C8orf34: variants seen among roughly 807,000 people sequenced by gnomAD.
C8orf34 encodes uncharacterized protein C8orf34.
Under a neutral mutation model 68.3 loss-of-function variants are expected in C8orf34, and 65 were observed. That is an observed-to-expected ratio of 0.95 (90% confidence interval 0.78 to 1.17). C8orf34 has a LOEUF of 1.17. Ranked by LOEUF, C8orf34 falls within the 50% of genes most tolerant of loss-of-function variation. The pLI is 0.00. For missense variants in C8orf34, 664 were observed against 655.4 expected (o/e 1.01, Z -0.14); for synonymous variants, 244 against 241.2 (o/e 1.01, Z -0.11).
chr8:68,536,846 C>T (rs1196146858), intron 7 of C8orf34, among the ~76,000 whole-genome samples: 4 of 151,930 alleles, frequency 2.6e-5, no homozygotes, highest in Admixed American at 6.6e-5. Flanking sequence ...AATTACATTG[C>T]GACAAGGTGA....
intron 1 of C8orf34, among the ~76,000 whole-genome samples, chr8:68,371,480 A>G (rs1487695151): frequency 6.6e-6 from 1 of 152,176 alleles, no homozygotes; most frequent in South Asian, 2.1e-4. Context: ...ATGACATCCT[A>G]TATGACAACT....
intron 1 of C8orf34, among the ~76,000 whole-genome samples, chr8:68,346,785 T>G (rs1473191588): frequency 2.0e-5 from 3 of 152,114 alleles, no homozygotes; most frequent in African/African-American, 7.2e-5. Context: ...AGCTTATTTC[T>G]TTTTTAGTTT....
chr8:68,651,193 T>A (rs1262390589), intron 8 of C8orf34, among the ~76,000 whole-genome samples: 1 of 152,124 alleles, frequency 6.6e-6, no homozygotes, highest in East Asian at 1.9e-4. Flanking sequence ...ATCCATCTAT[T>A]CCATAAAACC....
intron 10 of C8orf34, among the ~76,000 whole-genome samples, chr8:68,765,063 T>C (rs1312793014): frequency 6.6e-6 from 1 of 152,074 alleles, no homozygotes; most frequent in Non-Finnish European, 1.5e-5. Context: ...GGTTGTTTTT[T>C]CCTGCCTTTC....
chr8:68,547,653 C>CAG (rs1815929519), intron 7 of C8orf34, among the ~76,000 whole-genome samples: 1 of 151,702 alleles, frequency 6.6e-6, no homozygotes, highest in Admixed American at 6.6e-5. Flanking sequence ...CTCTATGACA[C>CAG]AGTACAGTCT....
chr8:68,804,556 A>T (rs1214921379), intron 12 of C8orf34, among the ~76,000 whole-genome samples: 1 of 152,166 alleles, frequency 6.6e-6, no homozygotes. Context: ...CAAGGCAGAC[A>T]GATTGCTTGA....
rs1344692568 is a variant in C8orf34 at position 68,535,634 on chromosome 8, TTTAA to T, written c.1105+2489_1105+2492del. On this transcript the variant is annotated intron_variant, in intron 7 of 13. Coordinates refer to ENST00000518698, the MANE Select transcript of C8orf34 (RefSeq NM_052958.4). ...ATTAATATTTAATTATTCACAGTTG[TTTAA>T]TTATATATTTGTGGATTTCTTTTCT... The T allele has an allele frequency of 4.2e-5, 28 of 670,174 alleles. No homozygotes were observed. The Admixed American group carries it at 1.3e-3, about 30-fold the overall frequency. 41.5% of individuals were successfully genotyped at this position (670,174 alleles called of 1,614,324 possible).
At chr8:68,457,991 C>G (rs1250514362) in intron 3 of C8orf34, among the ~76,000 whole-genome samples, 1 of 152,030 alleles carries the variant, frequency 6.6e-6, no homozygotes, top group African/African-American at 2.4e-5. Context: ...CAAATGACTT[C>G]CCAAATTTAT....
At chr8:68,585,785 T>C (rs1817192081) in intron 7 of C8orf34, among the ~76,000 whole-genome samples, 1 of 152,052 alleles carries the variant, frequency 6.6e-6, no homozygotes, top group African/African-American at 2.4e-5. Context: ...GTCCTCATGA[T>C]ATGGCAGCTA....
At chr8:68,683,058 C>A (rs113045117) in intron 8 of C8orf34, among the ~76,000 whole-genome samples, 1 of 151,900 alleles carries the variant, frequency 6.6e-6, no homozygotes, top group Non-Finnish European at 1.5e-5. Context: ...CCCAAGTAAG[C>A]TTTTGAGTTT....
chr8:68,550,714 A>C (rs1816036878), intron 7 of C8orf34, among the ~76,000 whole-genome samples: 1 of 151,214 alleles, frequency 6.6e-6, no homozygotes, highest in Non-Finnish European at 1.5e-5. Context: ...TTTCTCCTTC[A>C]GTTTTAAAGG....
At chr8:68,699,782 A>G (rs1280414522) in intron 8 of C8orf34, among the ~76,000 whole-genome samples, 2 of 152,138 alleles carry the variant, frequency 1.3e-5, no homozygotes, top group Non-Finnish European at 2.9e-5. Context: ...AGTCCAGATA[A>G]GACAGCACCT....
At position 68,365,254 on chromosome 8, in the gene C8orf34, A is replaced by G. The variant is rs796785645; in HGVS notation, c.327+33915A>G. On this transcript the variant is annotated intron_variant, in intron 1 of 13. Coordinates refer to ENST00000518698, the MANE Select transcript of C8orf34 (RefSeq NM_052958.4). ...GGAGCTGAAATTGTGGCAATAATCA[A>G]TAGCTTACCAACCAAAAAGAGTCCA... is the stretch of plus-strand genomic sequence containing the variant. Among the ~76,000 whole-genome samples the G allele has an allele frequency of 5.3e-5, 6 of 112,532 alleles. No individual in the cohort carries two copies. In the South Asian group the frequency reaches 2.2e-3, roughly 42 times the overall value. 73.8% of individuals were successfully genotyped at this position (112,532 alleles called of 152,430 possible).
At chr8:68,525,779 T>C (rs1403178285) in intron 6 of C8orf34, 12 of 550,450 alleles carry the variant, frequency 2.2e-5, no homozygotes, top group Non-Finnish European at 3.8e-5. Context: ...AGTGTAGCCA[T>C]GCTTCATCAC....
chr8:68,350,232 CT>C (rs1806454143), intron 1 of C8orf34, among the ~76,000 whole-genome samples: 3 of 151,014 alleles, frequency 2.0e-5, no homozygotes, highest in Admixed American at 1.3e-4. Flanking sequence ...ATCCATGTAA[CT>C]GCATGATTTT....
At chr8:68,602,664 G>C (rs1341449090) in intron 7 of C8orf34, among the ~76,000 whole-genome samples, 1 of 152,114 alleles carries the variant, frequency 6.6e-6, no homozygotes, top group Non-Finnish European at 1.5e-5. Flanking sequence ...GTAAAGCAGA[G>C]TGGTGACTAG....
intron 7 of C8orf34, among the ~76,000 whole-genome samples, chr8:68,566,688 T>A (rs559966939): frequency 1.1e-4 from 16 of 146,342 alleles, no homozygotes; most frequent in Admixed American, 6.0e-4. Context: ...TCAGGGAATG[T>A]TGTGACTGCT....
chr8:68,588,388 A>T (rs1435827442), intron 7 of C8orf34, among the ~76,000 whole-genome samples: 2 of 152,118 alleles, frequency 1.3e-5, no homozygotes, highest in African/African-American at 2.4e-5. Flanking sequence ...ATTAAAGAAT[A>T]AAGGAATATG....
chr8:68,407,288 G>A (rs1036869869), intron 1 of C8orf34, among the ~76,000 whole-genome samples: 1 of 151,080 alleles, frequency 6.6e-6, no homozygotes, highest in African/African-American at 2.4e-5. Flanking sequence ...TAAAGTCTTC[G>A]AAGTTCATGT....
Sources: allele counts gnomAD v4.1 joint callset (sites outside exome capture counted in the v4.1 genomes callset), GRCh38; gene constraint gnomAD v4.1.1; transcripts MANE v1.5; gene names NCBI Gene and HGNC (gene_info 2026-07-23, HGNC 2026-07-21).